The following MLKL variants were observed in gnomAD, a reference collection of about 807,000 sequenced individuals.
MLKL encodes the protein mixed lineage kinase domain like pseudokinase, also known as mixed lineage kinase domain-like protein.
Under a neutral mutation model 56.5 loss-of-function variants are expected in MLKL, and 55 were observed. The ratio of observed to expected loss-of-function variants is 0.97; its 90% CI spans 0.78 to 1.22. The LOEUF (loss-of-function observed/expected upper bound fraction) is 1.22, where lower values mean the gene tolerates loss of function less well. Among genes scored for constraint, MLKL ranks in the 50% most tolerant of loss-of-function variants. The probability of loss-of-function intolerance (pLI) is 0.00; values close to 1 mark genes in which losing one functional copy is unlikely to be tolerated. For synonymous variants in MLKL, 251 were observed against 208.3 expected (o/e 1.20, Z -1.76); for missense variants, 694 against 573.9 (o/e 1.21, Z -2.14).
chr16:74,693,642 G>C (rs1236461907), intron 2 of MLKL, among the ~76,000 whole-genome samples: 1 of 137,814 alleles, frequency 7.3e-6, no homozygotes, highest in Non-Finnish European at 1.5e-5. Context: ...TCTCTCTGTC[G>C]CCCAGGCTGG....
At chr16:74,676,103 G>C (rs1959579845) in intron 7 of MLKL, 1 of 335,940 alleles carries the variant, frequency 3.0e-6, no homozygotes, top group Non-Finnish European at 4.6e-6. Context: ...GGGTTTCTCA[G>C]TTGAGGACTG....
intron 10 of MLKL, among the ~76,000 whole-genome samples, chr16:74,673,958 A>C (rs1431716082): frequency 6.6e-6 from 1 of 151,278 alleles, no homozygotes; most frequent in East Asian, 1.9e-4. Context: ...TCTCTAAAAA[A>C]AAAAAAAAAA....
intron 4 of MLKL, among the ~76,000 whole-genome samples, chr16:74,690,857 G>A (rs1960626463): frequency 6.7e-6 from 1 of 148,380 alleles, no homozygotes. Flanking sequence ...AAATTAAGGA[G>A]TCCAGATATG....
At chr16:74,674,225 A>T (rs1171021708) in intron 10 of MLKL, among the ~76,000 whole-genome samples, 1 of 146,018 alleles carries the variant, frequency 6.8e-6, no homozygotes. Context: ...CGTGATCCTG[A>T]CTCTGCAACC....
intron 5 of MLKL, among the ~76,000 whole-genome samples, chr16:74,684,332 G>A (rs904498249): frequency 2.0e-5 from 3 of 151,220 alleles, no homozygotes; most frequent in Non-Finnish European, 4.4e-5. Flanking sequence ...GGATAAGACA[G>A]GAGTTGCTCT....
intron 7 of MLKL, chr16:74,676,994 G>A (rs967255505): frequency 2.0e-5 from 3 of 152,136 alleles, no homozygotes; most frequent in African/African-American, 7.2e-5. Context: ...GGGGGTAACA[G>A]GACTACACAG....
In MLKL at chr16:74,691,399, C is replaced by T. The variant is rs139601728; in HGVS notation, c.600G>A (p.Gln200=). 9 of 1,613,938 alleles carry T rather than the reference C, an allele frequency of 5.6e-6. No homozygotes were observed. Among genetic ancestry groups the T allele is most frequent in the Middle Eastern group, 1.6e-4 (1 of 6,084 alleles). ...GCAGAATCCACGGGGATCCTGAAAG[C>T]TGCTCCTTCTTGATCTCCTTGATTT... ...QEQIKEIKKE[Q]LSGSPWILLR... The change falls in exon 4 of 11, where the codon CAG becomes CAA. Residue 200 remains glutamine (Q), a synonymous_variant. Coordinates refer to ENST00000308807, the MANE Select transcript of MLKL (RefSeq NM_152649.4).
At chr16:74,698,251 A>C (rs962045092) in intron 1 of MLKL, among the ~76,000 whole-genome samples, 2 of 152,066 alleles carry the variant, frequency 1.3e-5, no homozygotes, top group Non-Finnish European at 2.9e-5. Context: ...ACAACAAAAA[A>C]CAAAGTTAGT....
rs761918387 is a variant in MLKL at position 74,674,985 on chromosome 16, A to T, written c.1356T>A (p.Asp452Glu). 1 of 1,614,182 alleles carries T rather than the reference A, an allele frequency of 6.2e-7. No individual in the cohort carries two copies. ...CATCCACAGAGGGCCGCACAGAGGGATCATGGGCCCGGCACTCATCAATGA... is the reference window on the plus strand; with the variant it reads ...CATCCACAGAGGGCCGCACAGAGGGTTCATGGGCCCGGCACTCATCAATGA... ...REIIDECRAHDPSVRPSVDEI... is the reference protein window; with the variant it reads ...REIIDECRAHEPSVRPSVDEI... Residue 452 changes from aspartate to glutamate, a missense_variant, in exon 10 of 11, where the codon GAT becomes GAA. By Grantham distance (45) the Asp-to-Glu change is conservative (BLOSUM62 2). Transcript: ENST00000308807.
At chr16:74,695,269 T>G in intron 2 of MLKL, 29 bp downstream of exon 2, 1 of 1,603,606 alleles carries the variant, frequency 6.2e-7, no homozygotes, top group Non-Finnish European at 8.5e-7. Flanking sequence ...TCAACTGCAC[T>G]CCCACTCCCC....
At chr16:74,688,655 A>C (rs1328713462) in intron 4 of MLKL, among the ~76,000 whole-genome samples, 1 of 152,144 alleles carries the variant, frequency 6.6e-6, no homozygotes, top group Admixed American at 6.6e-5. Context: ...TGGAGGTTGC[A>C]GTGACTGATA....
chr16:74,674,849 T>TA, intron 10 of MLKL, 111 bp downstream of exon 10: 1 of 1,354,758 alleles, frequency 7.4e-7, no homozygotes, highest in Non-Finnish European at 1.0e-6. Flanking sequence ...GTTCCCCGGA[T>TA]AAAACCACCC....
intron 4 of MLKL, among the ~76,000 whole-genome samples, chr16:74,689,413 G>T (rs1335470324): frequency 1.3e-5 from 2 of 152,030 alleles, no homozygotes; most frequent in Non-Finnish European, 2.9e-5. Context: ...ACTGCACCTG[G>T]CCTGTAAATA....
In MLKL at chr16:74,685,513, T is replaced by G; in HGVS notation, c.793A>C (p.Ile265Leu). 6.2e-7 allele frequency: 1 copy of G among 1,614,056 alleles called. No individual in the cohort carries two copies. Among genetic ancestry groups the G allele is most frequent in the East Asian group, 2.2e-5 (1 of 44,888 alleles). Reference protein sequence around the residue: ...KKFESPNILRIFGICIDETVT... With the variant: ...KKFESPNILRLFGICIDETVT... ...GTTTCATCAATGCAAATCCCAAATA[T>G]ACGCAGGATGTTGGGAGATTCGAAT... The change falls in exon 5 of 11, where the codon ATA becomes CTA. Residue 265 changes from isoleucine (I) to leucine (L), a missense_variant. Coordinates refer to ENST00000308807, the MANE Select transcript of MLKL (RefSeq NM_152649.4).
At chr16:74,682,428 A>G (rs866145513) in intron 6 of MLKL, among the ~76,000 whole-genome samples, 11 of 152,172 alleles carry the variant, frequency 7.2e-5, no homozygotes, top group Admixed American at 1.3e-4. Context: ...CAACTCTATA[A>G]GTGCAGTGTG....
chr16:74,694,358 A>G (rs900954889), intron 2 of MLKL, among the ~76,000 whole-genome samples: 1 of 152,190 alleles, frequency 6.6e-6, no homozygotes, highest in African/African-American at 2.4e-5. Flanking sequence ...AAAGGGAAAC[A>G]GGGGCCCCTG....
chr16:74,678,878 G>T (rs750059897), intron 7 of MLKL, 21 bp downstream of exon 7: 35 of 1,605,866 alleles, frequency 2.2e-5, no homozygotes, highest in Non-Finnish European at 2.7e-5. Flanking sequence ...GACCCAAAGC[G>T]CCCCCGCAAG....
intron 7 of MLKL, chr16:74,678,458 A>C (rs947320596): frequency 6.0e-6 from 1 of 167,074 alleles, no homozygotes; most frequent in African/African-American, 2.4e-5. Context: ...GTTAGTTCTG[A>C]AACTAAAAAA....
intron 4 of MLKL, among the ~76,000 whole-genome samples, chr16:74,687,455 T>C (rs940507899): frequency 3.3e-5 from 5 of 151,940 alleles, no homozygotes; most frequent in East Asian, 1.9e-4. Context: ...TGACAAGATA[T>C]TCCTAAAATT....
Sources: gnomAD v4.1 joint callset for allele counts (sites outside exome capture counted in the v4.1 genomes callset) on GRCh38, gnomAD v4.1.1 for gene constraint, MANE v1.5 for transcripts, NCBI Gene and HGNC (gene_info 2026-07-23, HGNC 2026-07-21) for gene names.